HERC1: variants seen among roughly 807,000 people sequenced by gnomAD.
The protein encoded by HERC1 is HECT and RLD domain containing E3 ubiquitin protein ligase family member 1.
In HERC1, 160 loss-of-function variants were observed where a neutral mutation model predicts 554.3. That is an observed-to-expected ratio of 0.29 (90% CI 0.25 to 0.33). HERC1 has a LOEUF of 0.33. Ranked by LOEUF, HERC1 falls within the 10% of genes least tolerant of loss-of-function variation. The pLI is 1.00. For missense variants in HERC1, 4,919 were observed against 5,918.5 expected (o/e 0.83, Z 5.54); for synonymous variants, 2,175 against 2,131.7 (o/e 1.02, Z -0.56).
intron 1 of HERC1, among the ~76,000 whole-genome samples, chr15:63,828,372 T>C (rs996843543): frequency 6.6e-6 from 1 of 151,776 alleles, no homozygotes; most frequent in African/African-American, 2.4e-5. Flanking sequence ...AAAGTTTTGC[T>C]CTTGTTGCCC....
In HERC1 at chr15:63,758,511, G is replaced by C. The variant is rs550444953; in HGVS notation, c.1027-142C>G. The C allele has an allele frequency of 3.4e-6, 2 of 583,166 alleles. No homozygotes were observed. Among genetic ancestry groups the C allele is most frequent in the East Asian group, 2.8e-5 (1 of 35,736 alleles). 36.1% of individuals were successfully genotyped at this position (583,166 alleles called of 1,614,324 possible). On this transcript the variant is annotated intron_variant, in intron 3 of 77. Transcript: ENST00000443617. The surrounding 1 kb of genome is among the most constrained non-coding windows in gnomAD (Gnocchi z 4.0). ...AGAACCTATTAAATAAAGATAACTA[G>C]ACTATTTACTCATATGGAATAAACC...
At position 63,811,027 on chromosome 15, in the gene HERC1, G is replaced by GA. The variant is rs200134702; in HGVS notation, c.-27+22799dup. Among the ~76,000 whole-genome samples, 317 of 148,892 alleles carry GA rather than the reference G, an allele frequency of 2.1e-3. 6 individuals are homozygous for GA. Among genetic ancestry groups the GA allele is most frequent in the Admixed American group, 0.016 (237 of 14,984 alleles). On this transcript the variant is annotated intron_variant, in intron 1 of 77. Transcript: ENST00000443617. ...ATTCAATAAAGTTAATGTCATTTGG[G>GA]AAAAAAAAAGGCTGGGGTTTACTCT... is the stretch of plus-strand genomic sequence containing the variant.
At chr15:63,649,642 A>G in intron 54 of HERC1, 83 bp downstream of exon 54, 1 of 1,107,974 alleles carries the variant, frequency 9.0e-7, no homozygotes, top group South Asian at 1.5e-5. Context: ...TTCACTTGGT[A>G]TTTTTAAAAG....
In HERC1 at chr15:63,727,392, TATA is replaced by T. The variant is rs2074085431; in HGVS notation, c.3346+252_3346+254del. On this transcript the variant is annotated intron_variant, in intron 17 of 77. Transcript: ENST00000443617. This position sits in a 1 kb window ranked among gnomAD's most constrained non-coding sequence, Gnocchi z 4.3. Reference sequence around the variant, plus strand: ...TAAGTGACACTTGATCACTGAACTGTATAATGTTAAAATAAGATAGGCCCTCAA... The same window carrying T: ...TAAGTGACACTTGATCACTGAACTGTATGTTAAAATAAGATAGGCCCTCAA... 6.6e-6 allele frequency among the ~76,000 whole-genome samples: 1 copy of T among 152,312 alleles called. No homozygotes were observed. The highest frequency in any genetic ancestry group is 2.1e-4 in the South Asian group (1 of 4,822).
At chr15:63,697,127 G>C (rs897651891) in intron 26 of HERC1, among the ~76,000 whole-genome samples, 4 of 151,946 alleles carry the variant, frequency 2.6e-5, no homozygotes, top group African/African-American at 9.7e-5. Context: ...AAGTAAAATA[G>C]TATTAATTAA....
intron 54 of HERC1, among the ~76,000 whole-genome samples, chr15:63,649,155 C>T (rs940787217): frequency 1.3e-5 from 2 of 152,168 alleles, no homozygotes; most frequent in African/African-American, 4.8e-5. Flanking sequence ...GAGATCGAGA[C>T]CATCCTGGCC....
At chr15:63,636,376 T>G (rs756757680) in intron 64 of HERC1, among the ~76,000 whole-genome samples, 1 of 151,916 alleles carries the variant, frequency 6.6e-6, no homozygotes, top group Non-Finnish European at 1.5e-5. Flanking sequence ...GTTCAAGTGA[T>G]TCTCTTGCCT....
At chr15:63,690,411 G>C (rs2072041087) in intron 32 of HERC1, 130 bp downstream of exon 32, 1 of 603,086 alleles carries the variant, frequency 1.7e-6, no homozygotes, top group Admixed American at 3.2e-5. Context: ...AAAGAAAGCA[G>C]TCCTAAAAGT....
chr15:63,714,219 T>C (rs2153129882), intron 22 of HERC1, among the ~76,000 whole-genome samples: 2 of 152,102 alleles, frequency 1.3e-5, no homozygotes, highest in African/African-American at 2.4e-5. Context: ...ACGGACAAAA[T>C]TTAAGTTATA....
intron 33 of HERC1, among the ~76,000 whole-genome samples, chr15:63,689,173 T>C (rs2071960323): frequency 6.6e-6 from 1 of 151,548 alleles, no homozygotes; most frequent in African/African-American, 2.4e-5. Context: ...AAGGCTAGAG[T>C]TTCCAGAGGT....
intron 34 of HERC1, 66 bp downstream of exon 34, chr15:63,686,293 T>C: frequency 8.4e-7 from 1 of 1,192,388 alleles, no homozygotes. Context: ...ACACATTTAT[T>C]ATAAGAACCT....
intron 3 of HERC1, among the ~76,000 whole-genome samples, chr15:63,759,034 C>G (rs1381491668): frequency 6.6e-6 from 1 of 152,120 alleles, no homozygotes; most frequent in Non-Finnish European, 1.5e-5. Context: ...CCTGGCTCCA[C>G]TTTCCTTTAA....
At chr15:63,700,299 T>C (rs185842236) in intron 25 of HERC1, among the ~76,000 whole-genome samples, 56 of 152,228 alleles carry the variant, frequency 3.7e-4, no homozygotes, top group Admixed American at 8.5e-4. Context: ...CATCCTATTA[T>C]GTGAATATAC....
chr15:63,726,328 C>T (rs1431752561), intron 17 of HERC1, among the ~76,000 whole-genome samples: 1 of 151,980 alleles, frequency 6.6e-6, no homozygotes, highest in African/African-American at 2.4e-5. Context: ...AAGTTCTTGA[C>T]TTCACGAAAT....
At chr15:63,632,342 T>G in intron 68 of HERC1, 1 of 259,090 alleles carries the variant, frequency 3.9e-6, no homozygotes, top group East Asian at 1.1e-4. Flanking sequence ...GTTCCTAAGA[T>G]CTGCAGCCCC....
chr15:63,833,167 T>C (rs2146256848), intron 1 of HERC1, among the ~76,000 whole-genome samples: 1 of 152,288 alleles, frequency 6.6e-6, no homozygotes, highest in African/African-American at 2.4e-5. Flanking sequence ...CATCCTCATC[T>C]CACGCTTAAG....
At position 63,666,433 on chromosome 15, in the gene HERC1, G is replaced by T. The variant is rs1397926706; in HGVS notation, c.8246C>A (p.Pro2749His). 6.2e-7 allele frequency: 1 copy of T among 1,613,572 alleles called. No homozygotes were observed. Among genetic ancestry groups the T allele is most frequent in the East Asian group, 2.2e-5 (1 of 44,852 alleles). ...DPSSRLSTSP[P>H]PPAIAVPLLE... is the part of the protein sequence containing the mutation. ...CAAGGGAACTGCAATTGCTGGAGGA[G>T]GAGGAGAAGTTGAAAGTCTACTGCT... is the stretch of plus-strand genomic sequence containing the variant. The change falls in exon 41 of 78, where the codon CCT (proline) becomes CAT (histidine). Residue 2749 changes from proline to histidine, a missense_variant. Physicochemically the swap from Pro to His is moderately conservative, Grantham distance 77. Around this residue, in one of 11 missense-constraint regions of HERC1, gnomAD observed 1,963 missense variants for 2,228.6 expected, o/e 0.88. Transcript: ENST00000443617.
intron 1 of HERC1, among the ~76,000 whole-genome samples, chr15:63,821,155 C>T (rs2077676683): frequency 6.6e-6 from 1 of 152,132 alleles, no homozygotes; most frequent in Non-Finnish European, 1.5e-5. Flanking sequence ...GGTGCATTAG[C>T]TCATGCCTAT....
chr15:63,760,818 T>C (rs2075587036), intron 3 of HERC1, among the ~76,000 whole-genome samples: 1 of 152,086 alleles, frequency 6.6e-6, no homozygotes, highest in Non-Finnish European at 1.5e-5. Context: ...TGAAACTACA[T>C]ATTGAATTAT....
Sources: allele counts gnomAD v4.1 joint callset (sites outside exome capture counted in the v4.1 genomes callset), GRCh38; gene constraint gnomAD v4.1.1; regional missense constraint gnomAD v4.1.1; non-coding constraint Gnocchi (gnomAD v3.1); transcripts MANE v1.5; gene names NCBI Gene and HGNC (gene_info 2026-07-23, HGNC 2026-07-21).